The following MMP16 variants were observed in gnomAD, a reference collection of about 807,000 sequenced individuals.
MMP16 encodes matrix metalloproteinase-16.
MMP16 carries 12 observed loss-of-function variants against 67.8 expected under a neutral mutation model. The observed-to-expected ratio is 0.18, with a 90% CI of 0.11 to 0.29. The LOEUF (loss-of-function observed/expected upper bound fraction) is 0.29, where lower values mean the gene tolerates loss of function less well. Among genes scored for constraint, MMP16 ranks in the 10% least tolerant of loss-of-function variants. The pLI, the probability that MMP16 is intolerant of heterozygous loss-of-function variation, is 1.00. For missense variants in MMP16, 475 were observed against 765.7 expected (o/e 0.62, Z 4.48); for synonymous variants, 249 against 255.9 (o/e 0.97, Z 0.26).
chr8:88,168,920 C>T (rs2015388675), intron 3 of MMP16, among the ~76,000 whole-genome samples: 1 of 151,772 alleles, frequency 6.6e-6, no homozygotes, highest in African/African-American at 2.4e-5. Context: ...GTTGCCCTGA[C>T]TGGCCTTGAA....
intron 1 of MMP16, among the ~76,000 whole-genome samples, chr8:88,219,884 G>C (rs1249837062): frequency 2.6e-5 from 4 of 152,082 alleles, no homozygotes; most frequent in Admixed American, 1.3e-4. Flanking sequence ...CTTTTGAAAG[G>C]AGTCAAAACA....
At chr8:88,268,121 T>C (rs926431402) in intron 1 of MMP16, among the ~76,000 whole-genome samples, 2 of 152,126 alleles carry the variant, frequency 1.3e-5, no homozygotes, top group Non-Finnish European at 2.9e-5. Flanking sequence ...GGTGGGTGGA[T>C]TGCCTGAGGT....
chr8:88,136,951 A>G (rs1196691540), intron 4 of MMP16, among the ~76,000 whole-genome samples: 1 of 151,864 alleles, frequency 6.6e-6, no homozygotes, highest in Non-Finnish European at 1.5e-5. Flanking sequence ...CAGTTCTAAT[A>G]CATATGTTTG....
At chr8:88,093,371 G>T (rs915818829) in intron 6 of MMP16, among the ~76,000 whole-genome samples, 1 of 151,734 alleles carries the variant, frequency 6.6e-6, no homozygotes, top group African/African-American at 2.4e-5. Flanking sequence ...TTGATAAGTT[G>T]CCACTTTGGC....
At chr8:88,117,126 G>T (rs1341069278) in intron 5 of MMP16, among the ~76,000 whole-genome samples, 2 of 152,080 alleles carry the variant, frequency 1.3e-5, no homozygotes, top group African/African-American at 4.8e-5. Flanking sequence ...GATAGATAAT[G>T]ATTCTATTCA....
At chr8:88,115,929 A>T (rs1809420238) in intron 6 of MMP16, among the ~76,000 whole-genome samples, 1 of 152,088 alleles carries the variant, frequency 6.6e-6, no homozygotes, top group South Asian at 2.1e-4. Flanking sequence ...GTAGCCTTTT[A>T]AAAAAATAAT....
intron 6 of MMP16, among the ~76,000 whole-genome samples, chr8:88,077,232 G>A (rs1157059944): frequency 1.3e-5 from 2 of 152,104 alleles, no homozygotes; most frequent in Non-Finnish European, 2.9e-5. Flanking sequence ...AGACAGCAGT[G>A]GTACAAATAA....
rs567460614 is a variant in MMP16 at position 88,039,124 on chromosome 8, T to A, written c.*2337A>T. The A allele has an allele frequency of 1.2e-4, 18 of 152,694 alleles. No individual in the cohort carries two copies. The highest frequency in any genetic ancestry group is 1.1e-3 in the Admixed American group (17 of 15,272). The allele number at this position is 152,694 out of a possible 1,614,324, so 9.5% of individuals were successfully genotyped here. A position where few individuals can be genotyped will look rare whatever the true frequency, so the allele number is the denominator to read the frequency against. ...CAAACTATCCATTTCCAAATAAGAA[T>A]GTATACCTACACTCATTAAAAATCA... On this transcript the variant is annotated 3_prime_UTR_variant, in exon 10 of 10. Coordinates refer to ENST00000286614, the MANE Select transcript of MMP16 (RefSeq NM_005941.5). This position sits in a 1 kb window ranked among gnomAD's most constrained non-coding sequence, Gnocchi z 4.5.
intron 1 of MMP16, among the ~76,000 whole-genome samples, chr8:88,219,640 C>A (rs757592202): frequency 1.3e-5 from 2 of 152,076 alleles, no homozygotes; most frequent in Non-Finnish European, 2.9e-5. Flanking sequence ...GTATTTTGTA[C>A]AATAACAATA....
At chr8:88,257,423 A>G (rs1278363786) in intron 1 of MMP16, among the ~76,000 whole-genome samples, 1 of 152,228 alleles carries the variant, frequency 6.6e-6, no homozygotes, top group Non-Finnish European at 1.5e-5. Context: ...CAAAAAATGT[A>G]GCTTCTGTGG....
At chr8:88,184,569 A>AAG (rs1809037226) in intron 3 of MMP16, among the ~76,000 whole-genome samples, 1 of 135,888 alleles carries the variant, frequency 7.4e-6, no homozygotes, top group Non-Finnish European at 1.6e-5. Context: ...CTCTGAAAAA[A>AAG]AAAAAAAAAA....
chr8:88,261,312 C>T (rs1810384983), intron 1 of MMP16, among the ~76,000 whole-genome samples: 1 of 151,972 alleles, frequency 6.6e-6, no homozygotes, highest in African/African-American at 2.4e-5. Context: ...ACAAACATGC[C>T]TATCTTGGAT....
At chr8:88,306,093 G>A (rs1811207811) in intron 1 of MMP16, among the ~76,000 whole-genome samples, 1 of 151,808 alleles carries the variant, frequency 6.6e-6, no homozygotes, top group South Asian at 2.1e-4. Context: ...AATTAGAAAT[G>A]ATAAGGGGGA....
At chr8:88,171,215 C>G (rs1262099733) in intron 3 of MMP16, among the ~76,000 whole-genome samples, 1 of 152,144 alleles carries the variant, frequency 6.6e-6, no homozygotes, top group East Asian at 1.9e-4. Context: ...TGATTAGCTT[C>G]CAGATATGCT....
intron 4 of MMP16, among the ~76,000 whole-genome samples, chr8:88,139,247 C>T (rs1435276314): frequency 1.3e-5 from 2 of 152,204 alleles, no homozygotes; most frequent in African/African-American, 4.8e-5. Flanking sequence ...TTTACCTCAG[C>T]ATTTTTCTTC....
chr8:88,130,921 G>C (rs145645865), intron 4 of MMP16, among the ~76,000 whole-genome samples: 1 of 151,704 alleles, frequency 6.6e-6, no homozygotes, highest in Non-Finnish European at 1.5e-5. Context: ...ACTTAAAAAT[G>C]TATTAGAAAT....
intron 1 of MMP16, among the ~76,000 whole-genome samples, chr8:88,266,077 G>A (rs1810472591): frequency 6.6e-6 from 1 of 152,198 alleles, no homozygotes; most frequent in African/African-American, 2.4e-5. Flanking sequence ...CTCTGTGTAG[G>A]AGAATTCCAA....
Position 88,268,377 on chromosome 8 carries a change from A to C in MMP16, c.132+58698T>G, listed in dbSNP as rs978634029. Among the ~76,000 whole-genome samples the C allele has an allele frequency of 3.3e-5, 5 of 152,056 alleles. No individual in the cohort carries two copies. The South Asian group carries it at 1.0e-3, about 32-fold the overall frequency. ...ACCAAAACTAAAACCAAAACCAAAA[A>C]CAACAAAAAAATTCATTCATTCGTC... On this transcript the variant is annotated intron_variant, in intron 1 of 9. Transcript: ENST00000286614.
chr8:88,070,775 T>C (rs1165243709), intron 7 of MMP16, among the ~76,000 whole-genome samples: 2 of 152,080 alleles, frequency 1.3e-5, no homozygotes, highest in African/African-American at 4.8e-5. Flanking sequence ...ATTTCCTGAC[T>C]CTCAGGATTC....
Sources: allele counts gnomAD v4.1 joint callset (sites outside exome capture counted in the v4.1 genomes callset), GRCh38; gene constraint gnomAD v4.1.1; non-coding constraint Gnocchi (gnomAD v3.1); transcripts MANE v1.5; gene names NCBI Gene and HGNC (gene_info 2026-07-23, HGNC 2026-07-21).